EZR: variants seen among roughly 807,000 people sequenced by gnomAD.
The protein encoded by EZR is cytovillin 2.
In EZR, 40 loss-of-function variants were observed where a neutral mutation model predicts 74.8. That is an observed-to-expected ratio of 0.53 (90% confidence interval 0.42 to 0.70). The LOEUF (loss-of-function observed/expected upper bound fraction) is 0.70, where lower values mean the gene tolerates loss of function less well. Among genes scored for constraint, EZR ranks in the 30% least tolerant of loss-of-function variants. The pLI is 0.00. For missense variants in EZR, 678 were observed against 755.8 expected (o/e 0.90, Z 1.21); for synonymous variants, 341 against 283.3 (o/e 1.20, Z -2.05).
chr6:158,791,313 A>G (rs1200220808), intron 2 of EZR, among the ~76,000 whole-genome samples: 1 of 152,240 alleles, frequency 6.6e-6, no homozygotes, highest in African/African-American at 2.4e-5. Context: ...TCATACTAAA[A>G]TATAAAAACC....
intron 8 of EZR, among the ~76,000 whole-genome samples, chr6:158,773,630 A>G (rs1033464439): frequency 1.3e-5 from 2 of 152,254 alleles, no homozygotes; most frequent in African/African-American, 4.8e-5. Flanking sequence ...TCAAGTCCCC[A>G]GGATGCCAGG....
At chr6:158,818,253 G>A (rs1777606646) in intron 1 of EZR, 87 bp from the exon 2 acceptor site, 3 of 681,892 alleles carry the variant, frequency 4.4e-6, no homozygotes, top group East Asian at 3.0e-5. Flanking sequence ...GCAGCGCGCT[G>A]CCGCTTAAGA....
intron 1 of EZR, among the ~76,000 whole-genome samples, chr6:158,818,710 G>A (rs574862276): frequency 3.3e-5 from 5 of 151,890 alleles, no homozygotes; most frequent in East Asian, 3.9e-4. Flanking sequence ...GGAAAGGCCC[G>A]GGGAGAGGGA....
chr6:158,790,152 A>G (rs964776683), intron 2 of EZR, among the ~76,000 whole-genome samples: 5 of 152,252 alleles, frequency 3.3e-5, no homozygotes, highest in African/African-American at 1.2e-4. Context: ...TGGATTATGT[A>G]GTGATATTAA....
At chr6:158,814,445 T>C (rs1423637469) in intron 2 of EZR, among the ~76,000 whole-genome samples, 4 of 141,004 alleles carry the variant, frequency 2.8e-5, no homozygotes, top group Non-Finnish European at 1.5e-5. Context: ...ATTTCAGCAT[T>C]TACCCCGCAT....
At chr6:158,787,493 C>T (rs1305528006) in intron 3 of EZR, among the ~76,000 whole-genome samples, 2 of 152,312 alleles carry the variant, frequency 1.3e-5, no homozygotes, top group East Asian at 3.9e-4. Flanking sequence ...CTCCAGGATG[C>T]TCTCCTGCAT....
At chr6:158,771,827 T>G (rs1171936691) in intron 8 of EZR, among the ~76,000 whole-genome samples, 1 of 152,226 alleles carries the variant, frequency 6.6e-6, no homozygotes, top group African/African-American at 2.4e-5. Context: ...CCTTTCATGA[T>G]GTCCTCTCCA....
intron 7 of EZR, among the ~76,000 whole-genome samples, chr6:158,780,037 G>T (rs1236439684): frequency 6.6e-6 from 1 of 152,078 alleles, no homozygotes; most frequent in Non-Finnish European, 1.5e-5. Context: ...ACAAAAATTA[G>T]CCAGGAGTGG....
chr6:158,814,604 T>C (rs2128577739), intron 2 of EZR, among the ~76,000 whole-genome samples: 1 of 149,446 alleles, frequency 6.7e-6, no homozygotes, highest in East Asian at 2.0e-4. Context: ...AGTGCAGTGG[T>C]GCAATCTCAG....
intron 2 of EZR, among the ~76,000 whole-genome samples, chr6:158,792,102 A>G (rs185829340): frequency 9.8e-4 from 149 of 152,350 alleles, no homozygotes; most frequent in Non-Finnish European, 1.0e-3. Context: ...AACATTAAAA[A>G]GATATTAAGC....
At position 158,778,320 on chromosome 6, in the gene EZR, C is replaced by T. The variant is rs371833548; in HGVS notation, c.699-1816G>A. 6.1e-4 allele frequency among the ~76,000 whole-genome samples: 93 copies of T among 152,322 alleles called. 1 individual carries two copies. Among genetic ancestry groups the T allele is most frequent in the Non-Finnish European group, 1.1e-3 (73 of 68,028 alleles). On this transcript the variant is annotated intron_variant, in intron 7 of 13. Transcript: ENST00000367075. Reference sequence around the variant, plus strand: ...TCTGACCTTAGAAAATTTAGGCCTCCGGCTCTCTGGTGTGCCTAGAAAGTT... The same window carrying T: ...TCTGACCTTAGAAAATTTAGGCCTCTGGCTCTCTGGTGTGCCTAGAAAGTT...
At chr6:158,776,326 G>A (rs905730400) in intron 8 of EZR, 82 bp downstream of exon 8, 12 of 1,153,148 alleles carry the variant, frequency 1.0e-5, no homozygotes, top group East Asian at 7.0e-5. Context: ...CTGGCTACTC[G>A]TCACAGTATA....
intron 2 of EZR, among the ~76,000 whole-genome samples, chr6:158,797,997 T>TCA (rs1324861790): frequency 6.6e-6 from 1 of 152,224 alleles, no homozygotes; most frequent in Non-Finnish European, 1.5e-5. Flanking sequence ...TCCTGATCCC[T>TCA]CAGCCCCTGG....
chr6:158,772,741 A>T (rs1456856962), intron 8 of EZR, among the ~76,000 whole-genome samples: 1 of 152,160 alleles, frequency 6.6e-6, no homozygotes, highest in Non-Finnish European at 1.5e-5. Context: ...TCTTAACCTC[A>T]GGGCCCCCAG....
intron 2 of EZR, among the ~76,000 whole-genome samples, chr6:158,806,290 C>T (rs1777337349): frequency 6.6e-6 from 1 of 152,226 alleles, no homozygotes; most frequent in African/African-American, 2.4e-5. Context: ...CCTCAACACT[C>T]AGGCACTTCA....
At chr6:158,771,526 G>T in intron 8 of EZR, 119 bp from the exon 9 acceptor site, 1 of 1,108,902 alleles carries the variant, frequency 9.0e-7, no homozygotes, top group Non-Finnish European at 1.3e-6. Context: ...GAACAGGGAT[G>T]GCAGCATCTC....
At chr6:158,813,184 T>G (rs1180975703) in intron 2 of EZR, among the ~76,000 whole-genome samples, 2 of 152,018 alleles carry the variant, frequency 1.3e-5, no homozygotes, top group Non-Finnish European at 2.9e-5. Context: ...TCACACTACT[T>G]CCTCCCACCA....
At chr6:158,782,443 C>A (rs1170747825) in intron 7 of EZR, among the ~76,000 whole-genome samples, 2 of 152,120 alleles carry the variant, frequency 1.3e-5, no homozygotes, top group Non-Finnish European at 2.9e-5. Context: ...GATGGGTGAG[C>A]CTCAAGTGGG....
At chr6:158,783,718 GAACAGTAA>G (rs748408287) in intron 6 of EZR, 52 bp from the exon 7 acceptor site, 39 of 1,572,598 alleles carry the variant, frequency 2.5e-5, no homozygotes, top group Non-Finnish European at 3.3e-5. Flanking sequence ...TCAATATCTA[GAACAGTAA>G]AACCTTTCCA....
Sources: gnomAD v4.1 joint callset for allele counts (sites outside exome capture counted in the v4.1 genomes callset) on GRCh38, gnomAD v4.1.1 for gene constraint, MANE v1.5 for transcripts, NCBI Gene and HGNC (gene_info 2026-07-23, HGNC 2026-07-21) for gene names.